The following CCDC73 variants were observed in gnomAD, a reference collection of about 807,000 sequenced individuals.
CCDC73 encodes coiled-coil domain-containing protein 73.
Under a neutral mutation model 116.5 loss-of-function variants are expected in CCDC73, and 95 were observed. The ratio of observed to expected loss-of-function variants is 0.82; its 90% confidence interval spans 0.69 to 0.97. The LOEUF (loss-of-function observed/expected upper bound fraction) is 0.97. Among genes scored for constraint, CCDC73 ranks in the 50% least tolerant of loss-of-function variants. The pLI, the probability that CCDC73 is intolerant of heterozygous loss-of-function variation, is 0.00. For missense variants in CCDC73, 1,066 were observed against 1,206.8 expected, an observed-to-expected ratio of 0.88 and a Z score of 1.73; for synonymous variants, 398 against 401.3, an observed-to-expected ratio of 0.99 and a Z score of 0.10.
At chr11:32,712,849 T>A (rs1289644097) in intron 3 of CCDC73, among the ~76,000 whole-genome samples, 3 of 152,014 alleles carry the variant, frequency 2.0e-5, no homozygotes, top group African/African-American at 7.2e-5. Context: ...TGCTTTTATA[T>A]CTTAATGAAA....
intron 2 of CCDC73, among the ~76,000 whole-genome samples, chr11:32,737,338 A>G (rs1453325588): frequency 6.6e-6 from 1 of 151,690 alleles, no homozygotes; most frequent in Non-Finnish European, 1.5e-5. Context: ...CATCAGGGCC[A>G]GGCACAGTGG....
intron 4 of CCDC73, among the ~76,000 whole-genome samples, chr11:32,702,623 C>G (rs189248461): frequency 6.6e-6 from 1 of 152,308 alleles, no homozygotes; most frequent in Admixed American, 6.5e-5. Context: ...TTATTCAGGA[C>G]AGATGAAAAT....
intron 13 of CCDC73, among the ~76,000 whole-genome samples, chr11:32,638,213 T>C (rs1350784502): frequency 6.6e-6 from 1 of 152,254 alleles, no homozygotes; most frequent in Non-Finnish European, 1.5e-5. Flanking sequence ...ATTCTTCTTA[T>C]TGATTTCTTT....
At chr11:32,817,992 A>G in the CCDC73 span, among the ~76,000 whole-genome samples, 3 of 152,218 alleles carry the variant, frequency 2.0e-5, no homozygotes, top group African/African-American at 7.2e-5. Flanking sequence ...GCCACTACCA[A>G]TTAACTAGAA....
chr11:32,606,471 C>A (rs552149922), intron 17 of CCDC73, among the ~76,000 whole-genome samples: 2 of 152,256 alleles, frequency 1.3e-5, no homozygotes, highest in East Asian at 3.9e-4. Context: ...GAATTTGCCC[C>A]ACATTACATA....
At chr11:32,773,994 CT>C (rs1417329076) in intron 1 of CCDC73, among the ~76,000 whole-genome samples, 3 of 152,136 alleles carry the variant, frequency 2.0e-5, no homozygotes, top group Non-Finnish European at 2.9e-5. Flanking sequence ...GGGGTTTTAT[CT>C]GGCAGTATGC....
intron 2 of CCDC73, among the ~76,000 whole-genome samples, chr11:32,719,209 T>C (rs1849969936): frequency 6.6e-6 from 1 of 152,162 alleles, no homozygotes; most frequent in Admixed American, 6.5e-5. Context: ...GCCCACATCA[T>C]AAACATAAGG....
the CCDC73 span, among the ~76,000 whole-genome samples, chr11:32,818,220 T>C: frequency 6.6e-6 from 1 of 152,238 alleles, no homozygotes; most frequent in African/African-American, 2.4e-5. Flanking sequence ...TTGTGTGCTG[T>C]CCTCTGCCCT....
chr11:32,654,078 CA>C (rs1260886822), intron 10 of CCDC73, 41 bp from the exon 11 acceptor site: 1 of 1,536,352 alleles, frequency 6.5e-7, no homozygotes, highest in Non-Finnish European at 8.8e-7. Flanking sequence ...ATATAAAATT[CA>C]GCAAATTCTA....
intron 3 of CCDC73, among the ~76,000 whole-genome samples, chr11:32,717,863 A>T (rs1486177310): frequency 6.6e-6 from 1 of 152,184 alleles, no homozygotes; most frequent in Non-Finnish European, 1.5e-5. Flanking sequence ...CTTCTTTACA[A>T]GGTGACAGAA....
chr11:32,716,087 T>C (rs1380960632), intron 3 of CCDC73, among the ~76,000 whole-genome samples: 1 of 152,160 alleles, frequency 6.6e-6, no homozygotes, highest in Non-Finnish European at 1.5e-5. Context: ...TGTTTTCACT[T>C]ACTGCAATGA....
chr11:32,815,906 T>C, the CCDC73 span, among the ~76,000 whole-genome samples: 8 of 152,304 alleles, frequency 5.3e-5, no homozygotes, highest in East Asian at 1.2e-3. Flanking sequence ...CCTTTCTGCA[T>C]GGAAACTTCT....
chr11:32,769,770 C>T (rs1850475395), intron 1 of CCDC73, among the ~76,000 whole-genome samples: 1 of 152,178 alleles, frequency 6.6e-6, no homozygotes, highest in Non-Finnish European at 1.5e-5. Context: ...TCTTACCCAT[C>T]CTTCAATGAT....
At position 32,653,126 on chromosome 11, in the gene CCDC73, A is replaced by G. The variant is rs777941993; in HGVS notation, c.936T>C (p.Asn312=). The change falls in exon 12 of 18, where the codon AAT becomes AAC. Residue 312 remains asparagine, a synonymous_variant. Coordinates refer to ENST00000335185, the MANE Select transcript of CCDC73 (RefSeq NM_001008391.4). The part of the protein sequence containing the change: ...EAELKVLKEN[N]QTLERDNELQ... ...CAGACAGACAGATAGAACGAACCTG[A>G]TTATTTTCTTTTAGCACCTTCAATT... The G allele has an allele frequency of 6.3e-7, 1 of 1,595,308 alleles. No individual in the cohort carries two copies. The highest frequency in any genetic ancestry group is 1.1e-5 in the South Asian group (1 of 89,790).
chr11:32,645,337 G>A (rs1228177197), intron 12 of CCDC73, among the ~76,000 whole-genome samples: 2 of 145,948 alleles, frequency 1.4e-5, no homozygotes, highest in Non-Finnish European at 3.0e-5. Flanking sequence ...TGTTGCCCAG[G>A]CTGGGCTGCA....
At chr11:32,705,829 TAGTC>T (rs1349402509) in intron 3 of CCDC73, among the ~76,000 whole-genome samples, 1 of 152,216 alleles carries the variant, frequency 6.6e-6, no homozygotes, top group Non-Finnish European at 1.5e-5. Flanking sequence ...CTTAAATTGA[TAGTC>T]AGCATTTACA....
chr11:32,713,756 A>C (rs949743052), intron 3 of CCDC73, among the ~76,000 whole-genome samples: 1 of 152,088 alleles, frequency 6.6e-6, no homozygotes, highest in African/African-American at 2.4e-5. Context: ...CCTCAGAGCA[A>C]GGACAAACTG....
chr11:32,763,818 G>C (rs561251058), intron 1 of CCDC73, among the ~76,000 whole-genome samples: 1 of 152,316 alleles, frequency 6.6e-6, no homozygotes, highest in East Asian at 1.9e-4. Context: ...ACTTCTCCAA[G>C]CTAAAGGAGG....
chr11:32,784,426 A>G (rs903330602), intron 1 of CCDC73, among the ~76,000 whole-genome samples: 32 of 152,216 alleles, frequency 2.1e-4, no homozygotes, highest in Non-Finnish European at 1.2e-4. Flanking sequence ...TGTGAACCAC[A>G]TTTATGATTA....
Sources: gnomAD v4.1 joint callset for allele counts (sites outside exome capture counted in the v4.1 genomes callset) on GRCh38, gnomAD v4.1.1 for gene constraint, MANE v1.5 for transcripts, NCBI Gene and HGNC (gene_info 2026-07-23, HGNC 2026-07-21) for gene names.